The following DIRAS2 variants were observed in gnomAD, a reference collection of about 807,000 sequenced individuals.
DIRAS2 encodes DIRAS family GTPase 2, also known as GTP-binding protein Di-Ras2.
DIRAS2 carries 5 observed loss-of-function variants against 13.9 expected under a neutral mutation model. The ratio of observed to expected loss-of-function variants is 0.36; its 90% CI spans 0.19 to 0.76. DIRAS2 has a LOEUF of 0.76. Among genes scored for constraint, DIRAS2 ranks in the 30% least tolerant of loss-of-function variants. The probability of loss-of-function intolerance (pLI) is 0.53; values close to 1 mark genes in which losing one functional copy is unlikely to be tolerated. For missense variants in DIRAS2, 191 were observed against 263.0 expected (o/e 0.73, Z 1.89); for synonymous variants, 111 against 105.4 (o/e 1.05, Z -0.33).
At chr9:90,636,293 C>T (rs1825370885) in intron 1 of DIRAS2, among the ~76,000 whole-genome samples, 1 of 152,018 alleles carries the variant, frequency 6.6e-6, no homozygotes, top group Non-Finnish European at 1.5e-5. Flanking sequence ...CCGCCTTGGC[C>T]TCCCAAAGTG....
chr9:90,623,324 A>G (rs1825237005), intron 1 of DIRAS2, among the ~76,000 whole-genome samples: 1 of 152,192 alleles, frequency 6.6e-6, no homozygotes, highest in African/African-American at 2.4e-5. Context: ...TCGACAGGCC[A>G]TCCCCTGAAT....
At position 90,613,811 on chromosome 9, in the gene DIRAS2, T is replaced by G; in HGVS notation, c.17A>C (p.Asn6Thr). 9 of 1,613,250 alleles carry G rather than the reference T, an allele frequency of 5.6e-6. No homozygotes were observed. The highest frequency in any genetic ancestry group is 7.6e-6 in the Non-Finnish European group (9 of 1,179,528). Residue 6 changes from asparagine to threonine, a missense_variant, in exon 2 of 2, where the codon AAC becomes ACC. By Grantham distance (65) the Asn-to-Thr change is moderately conservative. Transcript: ENST00000375765. The surrounding 1 kb of genome is among the most constrained non-coding windows in gnomAD (Gnocchi z 5.6). Reference protein sequence around the residue: MPEQSNDYRVAVFGAG... With the variant: MPEQSTDYRVAVFGAG... ...CCCAAACACGGCCACCCGGTAATCG[T>G]TACTCTGCTCAGGCATGTTGCTGGA... is the stretch of plus-strand genomic sequence containing the variant.
In DIRAS2 at chr9:90,613,874, A is replaced by T. The variant is rs748086968; in HGVS notation, c.-36-11T>A. ...TCAGCCAGGACGCACCTAGCAAAGG[A>T]ACCAGATGTTTGAAAGAATTAATAA... On this transcript the variant is annotated splice_polypyrimidine_tract_variant and intron_variant, in intron 1 of 1. Transcript: ENST00000375765. This position sits in a 1 kb window ranked among gnomAD's most constrained non-coding sequence, Gnocchi z 5.6. 1.3e-6 allele frequency: 2 copies of T among 1,551,678 alleles called. No homozygotes were observed. Among genetic ancestry groups the T allele is most frequent in the Non-Finnish European group, 1.7e-6 (2 of 1,151,634 alleles).
intron 1 of DIRAS2, among the ~76,000 whole-genome samples, chr9:90,635,673 G>T (rs529739167): frequency 6.6e-6 from 1 of 152,352 alleles, no homozygotes; most frequent in East Asian, 1.9e-4. Context: ...AGGGGCAAAA[G>T]TGTCCTCATA....
At chr9:90,630,258 G>A (rs1222522878) in intron 1 of DIRAS2, among the ~76,000 whole-genome samples, 1 of 152,152 alleles carries the variant, frequency 6.6e-6, no homozygotes. Flanking sequence ...TTGTGTGTGT[G>A]ATCCAACAAA....
At chr9:90,635,408 C>A (rs914162015) in intron 1 of DIRAS2, among the ~76,000 whole-genome samples, 3 of 152,136 alleles carry the variant, frequency 2.0e-5, no homozygotes, top group Non-Finnish European at 4.4e-5. Context: ...TAAAATATTG[C>A]GAAGCAACTT....
chr9:90,639,285 G>A (rs1439800363), intron 1 of DIRAS2, among the ~76,000 whole-genome samples: 3 of 152,064 alleles, frequency 2.0e-5, no homozygotes, highest in Admixed American at 6.6e-5. Flanking sequence ...TCAAGAATCC[G>A]GTATTCATGG....
rs1825101035 is a variant in DIRAS2 at position 90,610,485 on chromosome 9, C to G, written c.*2743G>C. On this transcript the variant is annotated 3_prime_UTR_variant, in exon 2 of 2. Coordinates refer to ENST00000375765, the MANE Select transcript of DIRAS2 (RefSeq NM_017594.5). Reference sequence around the variant, plus strand: ...GAAGTCATGGAGCCCCATGCTCATGCCCAGAGCGCCATCTTCAAAGCAATA... The same window carrying G: ...GAAGTCATGGAGCCCCATGCTCATGGCCAGAGCGCCATCTTCAAAGCAATA... The G allele has an allele frequency of 2.5e-6, 1 of 398,800 alleles. No homozygotes were observed. Among genetic ancestry groups the G allele is most frequent in the Admixed American group, 4.4e-5 (1 of 22,694 alleles). 24.7% of individuals were successfully genotyped at this position (398,800 alleles called of 1,614,324 possible).
Position 90,613,122 on chromosome 9 carries a change from T to G in DIRAS2, c.*106A>C. 1 of 1,469,502 alleles carries G rather than the reference T, an allele frequency of 6.8e-7. No homozygotes were observed. Among genetic ancestry groups the G allele is most frequent in the Non-Finnish European group, 9.1e-7 (1 of 1,093,058 alleles). 91.0% of individuals were successfully genotyped at this position (1,469,502 alleles called of 1,614,324 possible). Reference sequence around the variant, plus strand: ...TAGGACGCATCTCGATTAAATGCAATGTTTAACACGTGGGCATTATACATG... The same window carrying G: ...TAGGACGCATCTCGATTAAATGCAAGGTTTAACACGTGGGCATTATACATG... On this transcript the variant is annotated 3_prime_UTR_variant, in exon 2 of 2. Coordinates refer to ENST00000375765, the MANE Select transcript of DIRAS2 (RefSeq NM_017594.5). This position sits in a 1 kb window ranked among gnomAD's most constrained non-coding sequence, Gnocchi z 5.6.
chr9:90,624,351 C>A (rs1319460713), intron 1 of DIRAS2, among the ~76,000 whole-genome samples: 2 of 152,122 alleles, frequency 1.3e-5, no homozygotes, highest in Non-Finnish European at 2.9e-5. Flanking sequence ...ACTTAAACAT[C>A]CATGGATCAA....
At chr9:90,635,368 T>C (rs142170676) in intron 1 of DIRAS2, among the ~76,000 whole-genome samples, 16 of 152,376 alleles carry the variant, frequency 1.1e-4, no homozygotes, top group African/African-American at 3.6e-4. Flanking sequence ...GATTCTAAAC[T>C]GTTGCAGAAG....
At chr9:90,626,364 A>G (rs1055023494) in intron 1 of DIRAS2, among the ~76,000 whole-genome samples, 1 of 151,880 alleles carries the variant, frequency 6.6e-6, no homozygotes, top group African/African-American at 2.4e-5. Context: ...CCAAACTACC[A>G]GAGAGACTGA....
At position 90,625,089 on chromosome 9, in the gene DIRAS2, G is replaced by T. The variant is rs567064244; in HGVS notation, c.-36-11226C>A. 7.0e-4 allele frequency among the ~76,000 whole-genome samples: 106 copies of T among 152,332 alleles called. 2 individuals carry two copies. In the South Asian group the frequency reaches 0.022, roughly 31 times the overall value. ...GGACTGGTGACCAATGACCGATGCA[G>T]CATGCTAACCTCTGCAGGGAAATAG... On this transcript the variant is annotated intron_variant, in intron 1 of 1. Transcript: ENST00000375765.
intron 1 of DIRAS2, among the ~76,000 whole-genome samples, chr9:90,633,072 G>A (rs1041436441): frequency 3.5e-5 from 1 of 28,630 alleles, no homozygotes; most frequent in Non-Finnish European, 6.7e-5. Flanking sequence ...GAGTGCCACC[G>A]TGGGTTGCCA....
rs1168480763 is a variant in DIRAS2, at chr9:90,613,351, C to A, written c.477G>T (p.Lys159Asn). The change falls in exon 2 of 2, where the codon AAG becomes AAT. Residue 159 changes from lysine to asparagine, a missense_variant. Transcript: ENST00000375765. This position sits in a 1 kb window ranked among gnomAD's most constrained non-coding sequence, Gnocchi z 5.6. The part of the protein sequence containing the change: ...ETSAKLNHNV[K>N]ELFQELLNLE... ...GGTTGAGCAGCTCCTGGAAAAGCTCCTTCACGTTATGGTTGAGCTTGGCTG... is the reference window on the plus strand; with the variant it reads ...GGTTGAGCAGCTCCTGGAAAAGCTCATTCACGTTATGGTTGAGCTTGGCTG... 6.2e-7 allele frequency: 1 copy of A among 1,614,022 alleles called. No individual in the cohort carries two copies. Among genetic ancestry groups the A allele is most frequent in the Non-Finnish European group, 8.5e-7 (1 of 1,180,014 alleles).
intron 1 of DIRAS2, among the ~76,000 whole-genome samples, chr9:90,640,758 C>G (rs1825411981): frequency 6.6e-6 from 1 of 152,170 alleles, no homozygotes; most frequent in South Asian, 2.1e-4. Flanking sequence ...TTACTTAAAA[C>G]AGCTGGCAGG....
intron 1 of DIRAS2, among the ~76,000 whole-genome samples, chr9:90,618,910 G>A (rs973723792): frequency 5.3e-5 from 8 of 152,192 alleles, no homozygotes; most frequent in African/African-American, 1.7e-4. Flanking sequence ...TTGGGAGGCC[G>A]AGGCAGGCAG....
chr9:90,630,482 C>T (rs994386815), intron 1 of DIRAS2, among the ~76,000 whole-genome samples: 3 of 152,196 alleles, frequency 2.0e-5, no homozygotes, highest in Non-Finnish European at 4.4e-5. Flanking sequence ...GCAGAAGCTA[C>T]TGGATAGCAT....
chr9:90,633,931 T>C (rs1825348905), intron 1 of DIRAS2, among the ~76,000 whole-genome samples: 1 of 152,246 alleles, frequency 6.6e-6, no homozygotes. Flanking sequence ...AAGATTTGAA[T>C]TGGTGGCTAC....
Sources: allele counts gnomAD v4.1 joint callset (sites outside exome capture counted in the v4.1 genomes callset), GRCh38; gene constraint gnomAD v4.1.1; non-coding constraint Gnocchi (gnomAD v3.1); transcripts MANE v1.5; gene names NCBI Gene and HGNC (gene_info 2026-07-23, HGNC 2026-07-21).